The following HERC5 variants were observed in gnomAD, a reference collection of about 807,000 sequenced individuals.
HERC5 encodes the protein E3 ISG15--protein ligase HERC5.
In HERC5, 99 loss-of-function variants were observed where a neutral mutation model predicts 119.6. The observed-to-expected ratio is 0.83, with a 90% CI of 0.70 to 0.98. The LOEUF is 0.98. Ranked by LOEUF, HERC5 falls within the 50% of genes least tolerant of loss-of-function variation. The probability of loss-of-function intolerance (pLI) is 0.00; values close to 1 mark genes in which losing one functional copy is unlikely to be tolerated. For missense variants in HERC5, 1,267 were observed against 1,241.3 expected (o/e 1.02, Z -0.31); for synonymous variants, 478 against 445.9 (o/e 1.07, Z -0.91).
chr4:88,480,404 A>C (rs1469489199), intron 13 of HERC5, among the ~76,000 whole-genome samples: 1 of 149,700 alleles, frequency 6.7e-6, no homozygotes. Context: ...ATCCATTCCA[A>C]TATTGACAGA....
At position 88,506,029 on chromosome 4, in the gene HERC5, G is replaced by C; in HGVS notation, c.*151G>C. ...TGTCTCTAGTGATAAGCAGGAAAGA[G>C]GGATGAAGAAGAGGGTTTACTGGCC... On this transcript the variant is annotated 3_prime_UTR_variant, in exon 23 of 23. Coordinates refer to ENST00000264350, the MANE Select transcript of HERC5 (RefSeq NM_016323.4). 1.5e-6 allele frequency: 1 copy of C among 651,844 alleles called. No homozygotes were observed. The highest frequency in any genetic ancestry group is 4.3e-4 in the Middle Eastern group (1 of 2,348). 40.4% of individuals were successfully genotyped at this position (651,844 alleles called of 1,614,324 possible).
intron 8 of HERC5, among the ~76,000 whole-genome samples, chr4:88,468,679 T>C (rs914794732): frequency 6.6e-6 from 1 of 152,242 alleles, no homozygotes; most frequent in Non-Finnish European, 1.5e-5. Context: ...TACTTGCCAA[T>C]GATGTTTGGT....
At chr4:88,488,899 G>T (rs973641761) in intron 15 of HERC5, among the ~76,000 whole-genome samples, 1 of 152,184 alleles carries the variant, frequency 6.6e-6, no homozygotes, top group African/African-American at 2.4e-5. Context: ...ATAGGAGAAA[G>T]TGGTCCTTTA....
intron 18 of HERC5, among the ~76,000 whole-genome samples, chr4:88,495,128 G>A (rs1239474069): frequency 6.6e-6 from 1 of 152,178 alleles, no homozygotes; most frequent in Non-Finnish European, 1.5e-5. Context: ...AAGGATCAGT[G>A]TATAGTAATA....
chr4:88,457,146 C>G lies in HERC5; in HGVS notation c.-124C>G, dbSNP rs1374186582. The G allele has an allele frequency of 4.9e-6, 6 of 1,232,124 alleles. No individual in the cohort carries two copies. The highest frequency in any genetic ancestry group is 6.1e-6 in the Non-Finnish European group (6 of 987,746). The allele number at this position is 1,232,124 out of a possible 1,614,324, so 76.3% of individuals were successfully genotyped here. ...TAGCTGAGGCTGCGGTTCCCCGACG[C>G]CACGCAGCTGCGCGCAGCTGGTTCC... On this transcript the variant is annotated 5_prime_UTR_variant, in exon 1 of 23. Coordinates refer to ENST00000264350, the MANE Select transcript of HERC5 (RefSeq NM_016323.4).
Position 88,504,598 on chromosome 4 carries a change from G to T in HERC5, c.2869+1G>T. On this transcript the variant is annotated splice_donor_variant, in intron 22 of 22. Transcript: ENST00000264350. LOFTEE classifies it high-confidence loss of function. ...CTGGAAGAAAAGAAAAAATTCCTTG[G>T]TAAGTATTATATCAAGGAATAGATC... 2.0e-6 allele frequency: 3 copies of T among 1,523,150 alleles called. No homozygotes were observed. Among genetic ancestry groups the T allele is most frequent in the Non-Finnish European group, 2.7e-6 (3 of 1,130,684 alleles). 94.4% of individuals were successfully genotyped at this position (1,523,150 alleles called of 1,614,324 possible).
chr4:88,463,876 G>A lies in HERC5; in HGVS notation c.802G>A (p.Gly268Ser), dbSNP rs764726505. 2.7e-5 allele frequency: 44 copies of A among 1,613,418 alleles called. No homozygotes were observed. The highest frequency in any genetic ancestry group is 3.6e-5 in the Non-Finnish European group (43 of 1,179,928). ...LTQDGLLFTF[G>S]AGKHGQLGHN... ...TTAGGATGGGCTGCTGTTTACTTTC[G>A]GTGCTGGAAAACATGGGCAACTTGG... The change falls in exon 6 of 23, where the codon GGT becomes AGT. Residue 268 changes from glycine (G) to serine (S), a missense_variant. Gly to Ser is a moderately conservative substitution (Grantham distance 56). Around this residue, in one of 3 missense-constraint regions of HERC5, gnomAD observed 777 missense variants for 758.0 expected, o/e 1.03. Coordinates refer to ENST00000264350, the MANE Select transcript of HERC5 (RefSeq NM_016323.4).
At position 88,489,187 on chromosome 4, in the gene HERC5, C is replaced by T. The variant is rs762465610; in HGVS notation, c.1984C>T (p.Leu662Phe). The change falls in exon 16 of 23, where the codon CTT (leucine) becomes TTT (phenylalanine). Residue 662 changes from leucine to phenylalanine, a missense_variant. Transcript: ENST00000264350. ...CTAGAGTAAAAAACATAAAGCTTAT[C>T]TTAGGTCGGCAGCAATTGAGGAAGA... ...KIESKKHKAY[L>F]RSAAIEEERE... The T allele has an allele frequency of 6.2e-7, 1 of 1,611,676 alleles. No homozygotes were observed.
rs1560597910 is a variant in HERC5 at position 88,463,484 on chromosome 4, A to G, written c.689-48A>G. The G allele has an allele frequency of 7.0e-6, 9 of 1,292,480 alleles. No individual in the cohort carries two copies. In the Admixed American group the frequency reaches 1.5e-4, roughly 22 times the overall value. The allele number at this position is 1,292,480 out of a possible 1,614,324, so 80.1% of individuals were successfully genotyped here. On this transcript the variant is annotated intron_variant, in intron 4 of 22. Coordinates refer to ENST00000264350, the MANE Select transcript of HERC5 (RefSeq NM_016323.4). The stretch of plus-strand genomic sequence containing the variant: ...GCAGTCCAGGTAACTCCACTGTGAA[A>G]CTCAGCATTTCCTTTTGGTCACTTC...
intron 12 of HERC5, 141 bp from the exon 13 acceptor site, chr4:88,479,212 G>A (rs1023072904): frequency 3.5e-5 from 17 of 489,012 alleles, no homozygotes; most frequent in Admixed American, 1.6e-4. Context: ...TTGAACCTGG[G>A]AGGCAGAGGA....
intron 3 of HERC5, 34 bp from the exon 4 acceptor site, chr4:88,462,101 G>T (rs148209752): frequency 3.2e-6 from 5 of 1,561,594 alleles, no homozygotes; most frequent in East Asian, 2.3e-5. Context: ...CATTTTAAAT[G>T]GAATAAAACA....
rs1741351766 is a variant in HERC5, at chr4:88,483,482, G to A, written c.1738-2633G>A. Among the ~76,000 whole-genome samples, 3 of 150,322 alleles carry A rather than the reference G, an allele frequency of 2.0e-5. No individual in the cohort carries two copies. The South Asian group carries it at 6.3e-4, about 32-fold the overall frequency. On this transcript the variant is annotated intron_variant, in intron 13 of 22. Coordinates refer to ENST00000264350, the MANE Select transcript of HERC5 (RefSeq NM_016323.4). ...TGGGCCTTGGTCTCCCGAAGTGCAA[G>A]GATTACCCGGGTAAGCCACCACACC... is the stretch of plus-strand genomic sequence containing the variant.
chr4:88,482,426 C>T (rs1204139256), intron 13 of HERC5, among the ~76,000 whole-genome samples: 2 of 152,296 alleles, frequency 1.3e-5, no homozygotes, highest in African/African-American at 4.8e-5. Context: ...GTCACATGCC[C>T]GTATGTGGAC....
chr4:88,478,230 A>C (rs997988283), intron 12 of HERC5, among the ~76,000 whole-genome samples: 2 of 152,218 alleles, frequency 1.3e-5, no homozygotes, highest in Non-Finnish European at 2.9e-5. Flanking sequence ...TTGTAATAGT[A>C]ATTGTATTTA....
At chr4:88,489,866 G>C (rs1397819364) in intron 16 of HERC5, among the ~76,000 whole-genome samples, 1 of 151,992 alleles carries the variant, frequency 6.6e-6, no homozygotes, top group Non-Finnish European at 1.5e-5. Flanking sequence ...AAAATGAACC[G>C]TGTGTGGTGG....
intron 17 of HERC5, among the ~76,000 whole-genome samples, chr4:88,493,956 T>C (rs1741729037): frequency 6.8e-6 from 1 of 146,798 alleles, no homozygotes; most frequent in East Asian, 2.2e-4. Context: ...CAAAAGTAAT[T>C]GCAGGTTTTG....
chr4:88,493,370 A>G (rs1464849235), intron 17 of HERC5, among the ~76,000 whole-genome samples: 2 of 152,138 alleles, frequency 1.3e-5, no homozygotes, highest in Admixed American at 6.6e-5. Flanking sequence ...CTCAAGCAAT[A>G]TATTTTTTGA....
chr4:88,497,824 A>T (rs1159264740), intron 18 of HERC5, among the ~76,000 whole-genome samples: 1 of 152,128 alleles, frequency 6.6e-6, no homozygotes, highest in East Asian at 1.9e-4. Context: ...ACAATGGAAG[A>T]ATGATCCCAA....
At chr4:88,497,688 A>T (rs545457088) in intron 18 of HERC5, among the ~76,000 whole-genome samples, 2 of 152,348 alleles carry the variant, frequency 1.3e-5, no homozygotes, top group South Asian at 2.1e-4. Context: ...GGAAATTCTC[A>T]GGCTGGCCAT....
Sources: allele counts gnomAD v4.1 joint callset (sites outside exome capture counted in the v4.1 genomes callset), GRCh38; gene constraint gnomAD v4.1.1; regional missense constraint gnomAD v4.1.1; transcripts MANE v1.5; gene names NCBI Gene and HGNC (gene_info 2026-07-23, HGNC 2026-07-21).